Variants in CRB2 observed in about 807,000 individuals in gnomAD.
The protein encoded by CRB2 is protein crumbs homolog 2.
CRB2 carries 85 observed loss-of-function variants against 110.9 expected under a neutral mutation model. The ratio of observed to expected loss-of-function variants is 0.77; its 90% CI spans 0.64 to 0.92. CRB2 has a LOEUF of 0.92. CRB2 is among the 40% of genes least tolerant of loss of function. The pLI is 0.00. For synonymous variants in CRB2, 907 were observed against 831.0 expected (o/e 1.09, Z -1.57); for missense variants, 1,843 against 1,851.3 (o/e 1.00, Z 0.08).
Position 123,358,188 on chromosome 9 carries a change from A to G in CRB2, c.94+1834A>G, listed in dbSNP as rs114958395. 9.7e-3 allele frequency among the ~76,000 whole-genome samples: 1,470 copies of G among 152,198 alleles called. 28 individuals are homozygous for G. The highest frequency in any genetic ancestry group is 0.034 in the African/African-American group (1,402 of 41,516). On this transcript the variant is annotated intron_variant, in intron 1 of 12. Transcript: ENST00000373631. ...AAAACCAATTTCCATCCTGGAGGGG[A>G]TGGGGGCTTCTGGAGGCCATGGGCC... is the stretch of plus-strand genomic sequence containing the variant.
At chr9:123,358,206 C>T (rs1478285145) in intron 1 of CRB2, among the ~76,000 whole-genome samples, 5 of 152,212 alleles carry the variant, frequency 3.3e-5, no homozygotes, top group Non-Finnish European at 5.9e-5. Context: ...TTCTGGAGGC[C>T]ATGGGCCCCT....
chr9:123,379,181 AG>A (rs2042161894), downstream of CRB2, among the ~76,000 whole-genome samples: 1 of 151,050 alleles, frequency 6.6e-6, no homozygotes, highest in African/African-American at 2.4e-5. Context: ...GGCGAGTCGG[AG>A]GGGGTGGGTG....
chr9:123,373,195 G>C lies in CRB2; in HGVS notation c.2664G>C (p.Ser888=), dbSNP rs768791123. Residue 888 remains serine, a synonymous_variant, in exon 10 of 13, where the codon TCG becomes TCC. Transcript: ENST00000373631. ...PPAAFSGHNA[S]SGRLLGGLSL... ...CCGCGTTCAGCGGGCACAACGCGTC[G>C]TCAGGGCGCTTGCTCGGCGGCCTGT... 2 of 1,513,778 alleles carry C rather than the reference G, an allele frequency of 1.3e-6. No individual in the cohort carries two copies. The highest frequency in any genetic ancestry group is 2.0e-5 in the Admixed American group (1 of 49,034). The allele number at this position is 1,513,778 out of a possible 1,614,324, so 93.8% of individuals were successfully genotyped here.
At chr9:123,375,917 T>C (rs1021088672) in intron 12 of CRB2, among the ~76,000 whole-genome samples, 1 of 150,598 alleles carries the variant, frequency 6.6e-6, no homozygotes, top group Non-Finnish European at 1.5e-5. Flanking sequence ...GTGGGGGGAG[T>C]GGGTGCTGGC....
At chr9:123,361,139 G>T (rs28678030) in intron 1 of CRB2, among the ~76,000 whole-genome samples, 5,375 of 110,826 alleles carry the variant, frequency 0.048, 697 homozygotes, top group African/African-American at 0.14. Context: ...GGGCGGGGAG[G>T]GGGGGGGGTT....
rs763874725 is a variant in CRB2 at position 123,362,873 on chromosome 9, C to T, written c.103C>T (p.Pro35Ser). Residue 35 changes from proline to serine, a missense_variant, in exon 2 of 13, where the codon CCT (proline) becomes TCT (serine). Pro to Ser is a moderately conservative substitution (Grantham distance 74). Coordinates refer to ENST00000373631, the MANE Select transcript of CRB2 (RefSeq NM_173689.7). ...PALSLLAGTV[P>S]SEPPSACASD... ...GTTTCTTCTTTCTACAGGGACGGTGCCTTCAGAGCCCCCCAGTGCCTGTGC... is the reference window on the plus strand; with the variant it reads ...GTTTCTTCTTTCTACAGGGACGGTGTCTTCAGAGCCCCCCAGTGCCTGTGC... The T allele has an allele frequency of 1.3e-6, 2 of 1,578,944 alleles. No individual in the cohort carries two copies. Among genetic ancestry groups the T allele is most frequent in the Non-Finnish European group, 1.7e-6 (2 of 1,154,496 alleles).
Position 123,370,105 on chromosome 9 carries a change from A to C in CRB2, c.1055-3A>C. 6.3e-7 allele frequency: 1 copy of C among 1,575,094 alleles called. No individual in the cohort carries two copies. ...CTGAACCTTGGCTTTGTCTCTCCCA[A>C]AGGGCCGACATGTGAGGAAGATGTG... is the stretch of plus-strand genomic sequence containing the variant. On this transcript the variant is annotated splice_polypyrimidine_tract_variant and splice_region_variant and intron_variant, in intron 6 of 12. Transcript: ENST00000373631.
Position 123,377,199 on chromosome 9 carries a change from C to T in CRB2, c.*137C>T, listed in dbSNP as rs2042116438. On this transcript the variant is annotated 3_prime_UTR_variant, in exon 13 of 13. Coordinates refer to ENST00000373631, the MANE Select transcript of CRB2 (RefSeq NM_173689.7). Reference sequence around the variant, plus strand: ...CTGGCAGCCTCTGCCTCTGCCTCTGCCCCATCCTGGATGGAGGACGAGGGG... The same window carrying T: ...CTGGCAGCCTCTGCCTCTGCCTCTGTCCCATCCTGGATGGAGGACGAGGGG... 9.9e-6 allele frequency: 8 copies of T among 810,938 alleles called. No individual in the cohort carries two copies. The South Asian group carries it at 1.5e-4, about 15-fold the overall frequency. The allele number at this position is 810,938 out of a possible 1,614,324, so 50.2% of individuals were successfully genotyped here. A position where few individuals can be genotyped will look rare whatever the true frequency, so the allele number is the denominator to read the frequency against.
chr9:123,367,472 C>CCT (rs201080656), intron 5 of CRB2, 101 bp from the exon 6 acceptor site: 10 of 1,154,340 alleles, frequency 8.7e-6, no homozygotes, highest in Non-Finnish European at 1.2e-5. Context: ...CCGAGTCTGC[C>CCT]CTCTCTCTTG....
chr9:123,368,526 G>T (rs993733357), intron 6 of CRB2, among the ~76,000 whole-genome samples: 1 of 152,230 alleles, frequency 6.6e-6, no homozygotes, highest in East Asian at 1.9e-4. Flanking sequence ...TTTTTTCCTT[G>T]CCACAGCCCC....
At position 123,365,926 on chromosome 9, in the gene CRB2, GC is replaced by G; in HGVS notation, c.429del (p.Cys143TrpfsTer301). 1.3e-6 allele frequency: 2 copies of G among 1,594,216 alleles called. No homozygotes were observed. Among genetic ancestry groups the G allele is most frequent in the South Asian group, 2.2e-5 (2 of 90,682 alleles). On this transcript the variant is annotated frameshift_variant, in exon 3 of 13. Coordinates refer to ENST00000373631, the MANE Select transcript of CRB2 (RefSeq NM_173689.7). LOFTEE classifies it high-confidence loss of function. The stretch of plus-strand genomic sequence containing the variant: ...CCCCTGCCCTGTCCAGGCGTGACCT[GC>G]GAGATGGAGGTGGACGAGTGCGCCT... ...HCPLGYAGVT[C>X]EMEVDECASA...
At chr9:123,380,298 A>AAAAG (rs577577152), downstream of CRB2, 1 of 152,554 alleles carries the variant, frequency 6.6e-6, no homozygotes, top group East Asian at 1.9e-4. Context: ...GTAAAAAGGA[A>AAAAG]AAAGAAAGAT....
At chr9:123,379,222 T>G (rs900274867), downstream of CRB2, among the ~76,000 whole-genome samples, 10 of 152,076 alleles carry the variant, frequency 6.6e-5, no homozygotes, top group South Asian at 1.2e-3. Context: ...ACGCTCACTA[T>G]GGGGTGGTCG....
In CRB2 at chr9:123,373,685, C is replaced by T. The variant is rs772645892; in HGVS notation, c.3154C>T (p.Leu1052Phe). 6.8e-7 allele frequency: 1 copy of T among 1,471,788 alleles called. No homozygotes were observed. The allele number at this position is 1,471,788 out of a possible 1,614,324, so 91.2% of individuals were successfully genotyped here. ...TTGGCCTGGGACGCCGGCCCCGATC[C>T]TCGGCTGCCGCGGCGCGCCCGTGTG... is the stretch of plus-strand genomic sequence containing the variant. Reference protein sequence around the residue: ...ASWPGTPAPILGCRGAPVCAP... With the variant: ...ASWPGTPAPIFGCRGAPVCAP... The change falls in exon 10 of 13, where the codon CTC becomes TTC. Residue 1052 changes from leucine to phenylalanine, a missense_variant. Physicochemically the swap from Leu to Phe is conservative, Grantham distance 22. Coordinates refer to ENST00000373631, the MANE Select transcript of CRB2 (RefSeq NM_173689.7).
Position 123,375,073 on chromosome 9 carries a change from G to A in CRB2, c.3507-144G>A. ...GCTGCTCAGGTGGTCACCTGGCAGG[G>A]CCCAGCTGGGCAGGAGCAGCGCATG... On this transcript the variant is annotated intron_variant, in intron 11 of 12. Coordinates refer to ENST00000373631, the MANE Select transcript of CRB2 (RefSeq NM_173689.7). The A allele has an allele frequency of 3.2e-6, 4 of 1,263,374 alleles. No homozygotes were observed. The Admixed American group carries it at 6.1e-5, about 19-fold the overall frequency. The allele number at this position is 1,263,374 out of a possible 1,614,324, so 78.3% of individuals were successfully genotyped here. A position where few individuals can be genotyped will look rare whatever the true frequency, so the allele number is the denominator to read the frequency against.
chr9:123,371,473 C>A lies in CRB2; in HGVS notation c.2331C>A (p.Leu777=). The change falls in exon 8 of 13, where the codon CTC becomes CTA. Residue 777 remains leucine, a synonymous_variant. Coordinates refer to ENST00000373631, the MANE Select transcript of CRB2 (RefSeq NM_173689.7). ...ACCTGCGACTCGATGGCTGCCACCT[C>A]CCCTTCTTTCCTCTGCCACTGGATA... The part of the protein sequence containing the change: ...LQDLRLDGCH[L]PFFPLPLDNS... 7.4e-6 allele frequency: 12 copies of A among 1,613,256 alleles called. No homozygotes were observed. Among genetic ancestry groups the A allele is most frequent in the Non-Finnish European group, 1.0e-5 (12 of 1,180,034 alleles).
At chr9:123,365,679 C>T (rs1275616964) in intron 2 of CRB2, among the ~76,000 whole-genome samples, 1 of 152,214 alleles carries the variant, frequency 6.6e-6, no homozygotes, top group East Asian at 1.9e-4. Flanking sequence ...CTGAATCACC[C>T]CCCACCATGT....
chr9:123,367,703 G>A lies in CRB2; in HGVS notation c.1054+17G>A. ...GCTACGCAGGTGTCTGGGGTGGGGTGGGCCCTGGGACCATCAGAATTGGTG... is the reference window on the plus strand; with the variant it reads ...GCTACGCAGGTGTCTGGGGTGGGGTAGGCCCTGGGACCATCAGAATTGGTG... On this transcript the variant is annotated intron_variant, in intron 6 of 12. Coordinates refer to ENST00000373631, the MANE Select transcript of CRB2 (RefSeq NM_173689.7). 6.6e-7 allele frequency: 1 copy of A among 1,508,442 alleles called. No homozygotes were observed. Among genetic ancestry groups the A allele is most frequent in the Non-Finnish European group, 9.0e-7 (1 of 1,112,336 alleles). 93.4% of individuals were successfully genotyped at this position (1,508,442 alleles called of 1,614,324 possible).
chr9:123,373,786 G>C lies in CRB2; in HGVS notation c.3255G>C (p.Gly1085=). The change falls in exon 10 of 13, where the codon GGG becomes GGC. Residue 1085 remains glycine, a synonymous_variant. Transcript: ENST00000373631. Reference sequence around the variant, plus strand: ...CCTTTGCCTGCGCCTGCGGCCCGGGGTGGGAAGGCCCGCGCTGCGAAGCCC... The same window carrying C: ...CCTTTGCCTGCGCCTGCGGCCCGGGCTGGGAAGGCCCGCGCTGCGAAGCCC... The part of the protein sequence containing the change: ...FDAFACACGP[G]WEGPRCEAHV... The C allele has an allele frequency of 1.3e-6, 2 of 1,591,002 alleles. No homozygotes were observed. The highest frequency in any genetic ancestry group is 1.7e-6 in the Non-Finnish European group (2 of 1,176,570).
Sources: allele counts gnomAD v4.1 joint callset (sites outside exome capture counted in the v4.1 genomes callset), GRCh38; gene constraint gnomAD v4.1.1; transcripts MANE v1.5; gene names NCBI Gene and HGNC (gene_info 2026-07-23, HGNC 2026-07-21).